The following CERS4 variants were observed in gnomAD, a reference collection of about 807,000 sequenced individuals.
CERS4 encodes ceramide synthase 4.
In CERS4, 65 loss-of-function variants were observed where a neutral mutation model predicts 51.8. The observed-to-expected ratio is 1.26, with a 90% CI of 1.03 to 1.54. The LOEUF (loss-of-function observed/expected upper bound fraction) is 1.54, where lower values mean the gene tolerates loss of function less well. Among genes scored for constraint, CERS4 ranks in the 40% most tolerant of loss-of-function variants. The pLI, the probability that CERS4 is intolerant of heterozygous loss-of-function variation, is 0.00. For missense variants in CERS4, 563 were observed against 500.4 expected (o/e 1.13, Z -1.19); for synonymous variants, 228 against 208.4 (o/e 1.09, Z -0.81).
chr19:8,246,283 C>T (rs112785141), intron 2 of CERS4, among the ~76,000 whole-genome samples: 32 of 152,120 alleles, frequency 2.1e-4, no homozygotes, highest in Non-Finnish European at 3.7e-4. Flanking sequence ...GCGGGCCAGG[C>T]GCAGTGGCTC....
chr19:8,243,763 G>T (rs1272746206), intron 2 of CERS4, among the ~76,000 whole-genome samples: 1 of 151,404 alleles, frequency 6.6e-6, no homozygotes, highest in South Asian at 2.1e-4. Flanking sequence ...TCCTACCCAG[G>T]CCCCACCCAC....
intron 4 of CERS4, 21 bp from the exon 5 acceptor site, chr19:8,255,586 T>A: frequency 6.3e-7 from 1 of 1,599,882 alleles, no homozygotes; most frequent in Non-Finnish European, 8.5e-7. Flanking sequence ...GTGACCCTTG[T>A]CCTCATCACC....
intron 2 of CERS4, among the ~76,000 whole-genome samples, chr19:8,242,342 A>AT (rs1471585888): frequency 6.6e-6 from 1 of 152,228 alleles, no homozygotes; most frequent in African/African-American, 2.4e-5. Context: ...CAATCAGGGC[A>AT]TATCAGTCTG....
intron 2 of CERS4, among the ~76,000 whole-genome samples, chr19:8,217,051 G>A (rs1402202510): frequency 6.6e-6 from 1 of 152,104 alleles, no homozygotes; most frequent in Non-Finnish European, 1.5e-5. Context: ...GGGCCAATCT[G>A]AGGCCTCCAG....
At chr19:8,217,399 C>T (rs1259677069) in intron 2 of CERS4, among the ~76,000 whole-genome samples, 4 of 152,056 alleles carry the variant, frequency 2.6e-5, no homozygotes, top group Admixed American at 6.6e-5. Context: ...GACAGAGTCT[C>T]GCTCTGTCGC....
chr19:8,258,100 TC>T, intron 10 of CERS4, 115 bp downstream of exon 10: 1 of 846,310 alleles, frequency 1.2e-6, no homozygotes, highest in Non-Finnish European at 2.0e-6. Flanking sequence ...CTGGGAGAGT[TC>T]CAGGAGGAGG....
At chr19:8,235,462 C>T (rs1207331797) in intron 2 of CERS4, among the ~76,000 whole-genome samples, 1 of 150,528 alleles carries the variant, frequency 6.6e-6, no homozygotes, top group African/African-American at 2.4e-5. Context: ...TAGTTCAGGC[C>T]GGGCATGGTG....
intron 10 of CERS4, among the ~76,000 whole-genome samples, chr19:8,259,994 G>A (rs1277923965): frequency 6.6e-6 from 1 of 151,900 alleles, no homozygotes; most frequent in Non-Finnish European, 1.5e-5. Context: ...AAGGCCTGAG[G>A]AGATTAGGCA....
chr19:8,256,264 G>A lies in CERS4; in HGVS notation c.497G>A (p.Cys166Tyr). ...HESWLWAPVM[C>Y]WDRYPNQTLK... The stretch of plus-strand genomic sequence containing the variant: ...TCATGGCTGTGGGCACCAGTAATGT[G>A]CTGGGACAGGTACCCAAACCAGGTG... The change falls in exon 7 of 12, where the codon TGC (cysteine) becomes TAC (tyrosine). Residue 166 changes from cysteine (C) to tyrosine (Y), a missense_variant. By Grantham distance (194) the Cys-to-Tyr change is radical (BLOSUM62 -2). Transcript: ENST00000251363. 6.2e-7 allele frequency: 1 copy of A among 1,613,448 alleles called. No individual in the cohort carries two copies. Among genetic ancestry groups the A allele is most frequent in the Non-Finnish European group, 8.5e-7 (1 of 1,179,788 alleles).
At chr19:8,252,098 C>T (rs1266834958) in intron 3 of CERS4, among the ~76,000 whole-genome samples, 1 of 151,324 alleles carries the variant, frequency 6.6e-6, no homozygotes, top group Non-Finnish European at 1.5e-5. Context: ...AGGCTGGGTG[C>T]AGTGGCTCAT....
intron 2 of CERS4, among the ~76,000 whole-genome samples, chr19:8,217,375 T>A (rs1355332025): frequency 2.0e-5 from 3 of 151,918 alleles, no homozygotes; most frequent in Non-Finnish European, 4.4e-5. Flanking sequence ...GCTCGTTTTT[T>A]AATTTTTTTT....
intron 10 of CERS4, among the ~76,000 whole-genome samples, chr19:8,258,423 G>T (rs543179345): frequency 2.6e-5 from 4 of 152,236 alleles, no homozygotes; most frequent in Non-Finnish European, 5.9e-5. Context: ...AAATAAATTT[G>T]ACGGGCCGGG....
intron 2 of CERS4, among the ~76,000 whole-genome samples, chr19:8,215,055 G>A (rs1259364742): frequency 6.6e-6 from 1 of 151,702 alleles, no homozygotes. Context: ...AAGAAGCAAC[G>A]GCAGCAGCCA....
intron 2 of CERS4, among the ~76,000 whole-genome samples, chr19:8,219,209 G>A (rs953444539): frequency 5.9e-5 from 9 of 151,636 alleles, no homozygotes; most frequent in African/African-American, 1.9e-4. Context: ...TTCATCTCCC[G>A]CAAAAAAAGG....
rs376144788 is a variant in CERS4 at position 8,233,342 on chromosome 19, T to C, written c.-1-17734T>C. On this transcript the variant is annotated intron_variant, in intron 2 of 11. Coordinates refer to ENST00000251363, the MANE Select transcript of CERS4 (RefSeq NM_024552.3). Reference sequence around the variant, plus strand: ...CACCACACCCAGCTAATTTTTTGTATTTTTAGTAGAGACGGGGTTTCACCA... The same window carrying C: ...CACCACACCCAGCTAATTTTTTGTACTTTTAGTAGAGACGGGGTTTCACCA... Among the ~76,000 whole-genome samples the C allele has an allele frequency of 2.4e-3, 362 of 152,046 alleles. 1 individual carries two copies. The highest frequency in any genetic ancestry group is 8.3e-3 in the African/African-American group (346 of 41,478).
Position 8,261,848 on chromosome 19 carries a change from T to G in CERS4, c.1005+4T>G, listed in dbSNP as rs781690992. ...TAGCTTCATGAAGAAGGGCCAGGTA[T>G]GGCTGGACCTCCCCGGGGGCCCCAG... On this transcript the variant is annotated splice_donor_region_variant and intron_variant, in intron 11 of 11. Coordinates refer to ENST00000251363, the MANE Select transcript of CERS4 (RefSeq NM_024552.3). 7 of 1,614,074 alleles carry G rather than the reference T, an allele frequency of 4.3e-6. No individual in the cohort carries two copies. The highest frequency in any genetic ancestry group is 5.9e-6 in the Non-Finnish European group (7 of 1,179,934).
intron 2 of CERS4, among the ~76,000 whole-genome samples, chr19:8,215,962 ATGCCTGGCCCTGCCTCAG>A (rs1967283428): frequency 6.6e-6 from 1 of 152,122 alleles, no homozygotes; most frequent in Non-Finnish European, 1.5e-5. Flanking sequence ...CGAGTCCAGG[ATGCCTGGCCCTGCCTCAG>A]GGCCTTTGCA....
At chr19:8,243,608 G>A (rs1968631010) in intron 2 of CERS4, among the ~76,000 whole-genome samples, 1 of 151,420 alleles carries the variant, frequency 6.6e-6, no homozygotes, top group Non-Finnish European at 1.5e-5. Context: ...TTGCCCCATA[G>A]CATGGTACTT....
intron 3 of CERS4, among the ~76,000 whole-genome samples, chr19:8,252,597 CCTGA>C (rs963934491): frequency 2.6e-4 from 40 of 152,170 alleles, no homozygotes; most frequent in African/African-American, 8.9e-4. Context: ...TGCCACCACA[CCTGA>C]CTAATTTTTG....
Sources: gnomAD v4.1 joint callset for allele counts (sites outside exome capture counted in the v4.1 genomes callset) on GRCh38, gnomAD v4.1.1 for gene constraint, MANE v1.5 for transcripts, NCBI Gene and HGNC (gene_info 2026-07-23, HGNC 2026-07-21) for gene names.